The following TRAPPC8 variants were observed in gnomAD, a reference collection of about 807,000 sequenced individuals.
The protein encoded by TRAPPC8 is general sporulation gene 1 homolog.
In TRAPPC8, 54 loss-of-function variants were observed where a neutral mutation model predicts 174.3. The ratio of observed to expected loss-of-function variants is 0.31; its 90% CI spans 0.25 to 0.39. TRAPPC8 has a LOEUF of 0.39. TRAPPC8 is among the 10% of genes least tolerant of loss of function. The pLI is 1.00. For missense variants in TRAPPC8, 1,531 were observed against 1,699.1 expected, an observed-to-expected ratio of 0.90 and a Z score of 1.74; for synonymous variants, 630 against 579.9, an observed-to-expected ratio of 1.09 and a Z score of -1.24.
At chr18:31,900,861 A>G in intron 10 of TRAPPC8, 64 bp downstream of exon 10, 1 of 1,314,312 alleles carries the variant, frequency 7.6e-7, no homozygotes, top group Non-Finnish European at 1.0e-6. Context: ...AATGGGGAAA[A>G]AAAAAAAAAA....
chr18:31,914,174 AAAC>A (rs1322795989), intron 4 of TRAPPC8, among the ~76,000 whole-genome samples: 3 of 151,794 alleles, frequency 2.0e-5, no homozygotes, highest in African/African-American at 4.8e-5. Context: ...AAAAAAAAAA[AAAC>A]AACCTGGAAA....
chr18:31,909,850 C>T, intron 5 of TRAPPC8, 90 bp from the exon 6 acceptor site: 3 of 866,530 alleles, frequency 3.5e-6, no homozygotes, highest in South Asian at 4.2e-5. Context: ...GGTTACTCTG[C>T]TAACTGTTGG....
intron 19 of TRAPPC8, among the ~76,000 whole-genome samples, chr18:31,859,307 G>A (rs1203521005): frequency 1.3e-5 from 2 of 152,106 alleles, no homozygotes; most frequent in African/African-American, 4.8e-5. Flanking sequence ...AAAAAAATCA[G>A]ATGAAATTTG....
chr18:31,864,689 CA>C lies in TRAPPC8; in HGVS notation c.2682del (p.Val895LeufsTer9). ...AAACGTCGATCAGGGCCATATTTAA[CA>C]GATGTTTTCTCTTCTTTTGTGTTGT... ...RLNNTKEEKT[S>X]VKYGPDRRLD... On this transcript the variant is annotated frameshift_variant, in exon 19 of 29. Transcript: ENST00000283351. LOFTEE classifies it high-confidence loss of function. 1 of 1,613,110 alleles carries C rather than the reference CA, an allele frequency of 6.2e-7. No individual in the cohort carries two copies. Among genetic ancestry groups the C allele is most frequent in the Non-Finnish European group, 8.5e-7 (1 of 1,179,490 alleles).
At chr18:31,888,789 G>A (rs2035833932) in intron 12 of TRAPPC8, among the ~76,000 whole-genome samples, 1 of 152,194 alleles carries the variant, frequency 6.6e-6, no homozygotes, top group Non-Finnish European at 1.5e-5. Context: ...GAAAGCATCA[G>A]GAAAAAGAGT....
chr18:31,937,226 A>T (rs910395107), intron 1 of TRAPPC8, among the ~76,000 whole-genome samples: 5 of 152,154 alleles, frequency 3.3e-5, no homozygotes, highest in African/African-American at 7.2e-5. Context: ...AAATAAAAAT[A>T]AAGGAAAAGG....
chr18:31,923,574 T>C (rs1224198675), intron 2 of TRAPPC8, among the ~76,000 whole-genome samples: 1 of 152,166 alleles, frequency 6.6e-6, no homozygotes. Flanking sequence ...TAAGAATTAA[T>C]ACCTTATTAA....
At chr18:31,927,631 G>A (rs1457703109) in intron 2 of TRAPPC8, among the ~76,000 whole-genome samples, 1 of 152,098 alleles carries the variant, frequency 6.6e-6, no homozygotes, top group African/African-American at 2.4e-5. Flanking sequence ...TTGAACTCCT[G>A]GCCTCAAGTG....
chr18:31,836,758 C>CTTT (rs68104803), intron 27 of TRAPPC8, among the ~76,000 whole-genome samples: 49 of 89,838 alleles, frequency 5.5e-4, no homozygotes, highest in African/African-American at 2.0e-3. Context: ...ATCTTTCAGT[C>CTTT]TTTTTTTTTT....
rs2038423340 is a variant in TRAPPC8, at chr18:31,943,095, G to A, written c.-331C>T. On this transcript the variant is annotated 5_prime_UTR_variant, in exon 1 of 29. Coordinates refer to ENST00000283351, the MANE Select transcript of TRAPPC8 (RefSeq NM_014939.5). The stretch of plus-strand genomic sequence containing the variant: ...ACTGCCCGGCCGGAACCGCCATGTT[G>A]AGGCCGAACCCTGACCAACCGGCAG... 2.4e-6 allele frequency: 1 copy of A among 416,340 alleles called. No homozygotes were observed. The highest frequency in any genetic ancestry group is 4.1e-6 in the Non-Finnish European group (1 of 241,198). The allele number at this position is 416,340 out of a possible 1,614,324, so 25.8% of individuals were successfully genotyped here.
chr18:31,874,021 T>TGAGGAAGGAC (rs1261432956), intron 13 of TRAPPC8: 1 of 183,638 alleles, frequency 5.4e-6, no homozygotes, highest in Non-Finnish European at 1.1e-5. Context: ...GAAACAGTCC[T>TGAGGAAGGAC]TCTTCCTGTT....
At chr18:31,860,295 G>C (rs554241518) in intron 19 of TRAPPC8, among the ~76,000 whole-genome samples, 1 of 152,022 alleles carries the variant, frequency 6.6e-6, no homozygotes, top group Non-Finnish European at 1.5e-5. Context: ...GTGCTTGTGC[G>C]TAAGAAATTA....
At chr18:31,940,496 A>G (rs1317091642) in intron 1 of TRAPPC8, among the ~76,000 whole-genome samples, 1 of 151,808 alleles carries the variant, frequency 6.6e-6, no homozygotes, top group Non-Finnish European at 1.5e-5. Context: ...AACTAATTTC[A>G]CTTGTTTCTT....
intron 12 of TRAPPC8, among the ~76,000 whole-genome samples, chr18:31,880,494 AC>A (rs1446165064): frequency 6.6e-6 from 1 of 152,090 alleles, no homozygotes; most frequent in African/African-American, 2.4e-5. Flanking sequence ...TAAGAAACAT[AC>A]CTAAAAATAA....
chr18:31,930,858 A>G (rs1305378678), intron 2 of TRAPPC8, among the ~76,000 whole-genome samples: 1 of 152,132 alleles, frequency 6.6e-6, no homozygotes, highest in African/African-American at 2.4e-5. Flanking sequence ...GAGACCCCCT[A>G]TCTCTATAAA....
chr18:31,903,431 G>GTGGTTT (rs1474703687), intron 9 of TRAPPC8, among the ~76,000 whole-genome samples: 1 of 152,162 alleles, frequency 6.6e-6, no homozygotes, highest in Non-Finnish European at 1.5e-5. Flanking sequence ...GGGTTATGGT[G>GTGGTTT]TATATATACT....
chr18:31,867,887 A>G (rs1319243372), intron 16 of TRAPPC8, among the ~76,000 whole-genome samples: 1 of 152,144 alleles, frequency 6.6e-6, no homozygotes. Flanking sequence ...TCAAAACGGG[A>G]GCATATCAAA....
At chr18:31,927,006 C>T (rs1045038031) in intron 2 of TRAPPC8, among the ~76,000 whole-genome samples, 22 of 152,242 alleles carry the variant, frequency 1.4e-4, no homozygotes, top group African/African-American at 5.3e-4. Context: ...AATCAATACC[C>T]GAGGAAAAGA....
intron 2 of TRAPPC8, among the ~76,000 whole-genome samples, chr18:31,922,169 A>G (rs1183709836): frequency 6.6e-6 from 1 of 152,248 alleles, no homozygotes; most frequent in East Asian, 1.9e-4. Flanking sequence ...CTTGCTTTAT[A>G]TAATTTTGAG....
Sources: gnomAD v4.1 joint callset for allele counts (sites outside exome capture counted in the v4.1 genomes callset) on GRCh38, gnomAD v4.1.1 for gene constraint, MANE v1.5 for transcripts, NCBI Gene and HGNC (gene_info 2026-07-23, HGNC 2026-07-21) for gene names.